Variants in GRTP1 observed in about 807,000 individuals in gnomAD.
The protein encoded by GRTP1 is growth hormone regulated TBC protein 1, also known as growth hormone-regulated TBC protein 1.
GRTP1 carries 56 observed loss-of-function variants against 38.1 expected under a neutral mutation model. That is an observed-to-expected ratio of 1.47 (90% CI 1.19 to 1.84). GRTP1 has a LOEUF of 1.84. Among genes scored for constraint, GRTP1 ranks in the 40% most tolerant of loss-of-function variants. GRTP1 has a pLI of 0.00. For missense variants in GRTP1, 506 were observed against 453.9 expected, an observed-to-expected ratio of 1.11 and a Z score of -1.04; for synonymous variants, 217 against 189.5, an observed-to-expected ratio of 1.14 and a Z score of -1.19.
At chr13:113,344,712 C>CAAAA (rs11444762) in intron 5 of GRTP1, 151 bp downstream of exon 5, 2,938 of 193,936 alleles carry the variant, frequency 0.015, 106 homozygotes, top group Middle Eastern at 0.025. Flanking sequence ...GACTCCGTCT[C>CAAAA]AAAAAAAAAA....
intron 3 of GRTP1, among the ~76,000 whole-genome samples, chr13:113,352,327 T>A (rs1218704629): frequency 1.3e-4 from 10 of 75,278 alleles, no homozygotes; most frequent in Non-Finnish European, 2.5e-4. Context: ...TATATATTTT[T>A]ATATATATTT....
At position 113,346,669 on chromosome 13, in the gene GRTP1, T is replaced by A. The variant is rs1382893288; in HGVS notation, c.466-1710A>T. 0.68 allele frequency among the ~76,000 whole-genome samples: 121 copies of A among 178 alleles called. 60 individuals carry two copies. The highest frequency in any genetic ancestry group is 0.82 in the African/African-American group (113 of 138). 0.1% of individuals were successfully genotyped at this position (178 alleles called of 152,430 possible). ...GCGGACCTGGGAGGACCTCTGTGGC[T>A]GAGCGGATCTGGGAGGACCTCTGTG... On this transcript the variant is annotated intron_variant, in intron 4 of 7. Coordinates refer to ENST00000375431, the MANE Select transcript of GRTP1 (RefSeq NM_024719.4).
intron 3 of GRTP1, among the ~76,000 whole-genome samples, chr13:113,354,796 G>T (rs1449912641): frequency 6.6e-6 from 1 of 152,180 alleles, no homozygotes; most frequent in Non-Finnish European, 1.5e-5. Flanking sequence ...CAAAGTGCTG[G>T]GATTACAGGC....
intron 5 of GRTP1, 36 bp from the exon 6 acceptor site, chr13:113,326,127 T>C: frequency 1.3e-6 from 2 of 1,596,454 alleles, no homozygotes; most frequent in Non-Finnish European, 1.7e-6. Context: ...CCCGAGACAC[T>C]CCCGTCACCT....
rs1287503325 is a variant in GRTP1 at position 113,352,312 on chromosome 13, T to TA, written c.341-1340_341-1339insT. 4.3e-3 allele frequency among the ~76,000 whole-genome samples: 222 copies of TA among 51,538 alleles called. 1 individual carries two copies. The highest frequency in any genetic ancestry group is 0.011 in the East Asian group (13 of 1,170). The allele number at this position is 51,538 out of a possible 152,430, so 33.8% of individuals were successfully genotyped here. On this transcript the variant is annotated intron_variant, in intron 3 of 7. Coordinates refer to ENST00000375431, the MANE Select transcript of GRTP1 (RefSeq NM_024719.4). ...TATATTTATATATATTTTATATATA[T>TA]TTTATATATATTTTTATATATATTT...
At chr13:113,334,103 G>C (rs2042920175) in intron 5 of GRTP1, among the ~76,000 whole-genome samples, 1 of 152,178 alleles carries the variant, frequency 6.6e-6, no homozygotes, top group South Asian at 2.1e-4. Context: ...CCAAAGTGCT[G>C]GGATTACAGG....
At chr13:113,338,549 T>C (rs2042985384) in intron 5 of GRTP1, among the ~76,000 whole-genome samples, 1 of 152,132 alleles carries the variant, frequency 6.6e-6, no homozygotes, top group Admixed American at 6.5e-5. Context: ...AGCCCGGGGA[T>C]GGGATCTCAG....
At chr13:113,356,093 CTGAG>C (rs1422133822) in intron 2 of GRTP1, among the ~76,000 whole-genome samples, 2 of 152,120 alleles carry the variant, frequency 1.3e-5, no homozygotes, top group Non-Finnish European at 2.9e-5. Flanking sequence ...TTAGTCAATA[CTGAG>C]TAATTTCTTA....
Position 113,355,327 on chromosome 13 carries a change from C to A in GRTP1, c.336G>T (p.Arg112Ser). The change falls in exon 3 of 8, where the codon AGG (arginine) becomes AGT (serine). Residue 112 changes from arginine (R) to serine (S), a missense_variant. Arg to Ser is a moderately radical substitution (Grantham distance 110). Transcript: ENST00000375431. The stretch of plus-strand genomic sequence containing the variant: ...GCTCGACCCCCACCGCCTCACCTGT[C>A]CTGATGGCGTCCTCCAGCCTGGGGT... Reference protein sequence around the residue: ...ERNPRLEDAIRTDLNRTFPDN... With the variant: ...ERNPRLEDAISTDLNRTFPDN... 1 of 1,613,986 alleles carries A rather than the reference C, an allele frequency of 6.2e-7. No homozygotes were observed. Among genetic ancestry groups the A allele is most frequent in the South Asian group, 1.1e-5 (1 of 91,072 alleles).
Position 113,356,509 on chromosome 13 carries a change from G to A in GRTP1, c.182-1028C>T, listed in dbSNP as rs574304865. Among the ~76,000 whole-genome samples the A allele has an allele frequency of 4.7e-4, 72 of 152,118 alleles. 2 individuals carry two copies. In the South Asian group the frequency reaches 0.012, roughly 25 times the overall value. Reference sequence around the variant, plus strand: ...TCTTGAACTCTTGACCTCATGATCCGCCCACCTCGGCCTCCCAAAGTGCTG... The same window carrying A: ...TCTTGAACTCTTGACCTCATGATCCACCCACCTCGGCCTCCCAAAGTGCTG... On this transcript the variant is annotated intron_variant, in intron 2 of 7. Coordinates refer to ENST00000375431, the MANE Select transcript of GRTP1 (RefSeq NM_024719.4).
At chr13:113,360,782 G>C (rs2043481240) in intron 2 of GRTP1, among the ~76,000 whole-genome samples, 1 of 152,206 alleles carries the variant, frequency 6.6e-6, no homozygotes, top group South Asian at 2.1e-4. Flanking sequence ...TTATGCCAGT[G>C]ATGCTTGCTA....
chr13:113,350,714 C>A, intron 4 of GRTP1, 135 bp downstream of exon 4: 1 of 838,290 alleles, frequency 1.2e-6, no homozygotes, highest in Non-Finnish European at 1.8e-6. Context: ...GGCGTCCGAG[C>A]CTCAATGGGG....
Position 113,326,011 on chromosome 13 carries a change from C to CA in GRTP1, c.642dup (p.Val215CysfsTer42), listed in dbSNP as rs1463600859. The CA allele has an allele frequency of 6.2e-7, 1 of 1,613,592 alleles. No homozygotes were observed. The highest frequency in any genetic ancestry group is 8.5e-7 in the Non-Finnish European group (1 of 1,179,952). On this transcript the variant is annotated frameshift_variant, in exon 6 of 8. Coordinates refer to ENST00000375431, the MANE Select transcript of GRTP1 (RefSeq NM_024719.4). LOFTEE classifies it high-confidence loss of function. ...CCGAGACGCTCCATCAGGGCCCCCA[C>CA]AGCCGGCAGCTTCGCCCGCACCAGC... is the stretch of plus-strand genomic sequence containing the variant.
At chr13:113,344,772 G>T in intron 5 of GRTP1, 91 bp downstream of exon 5, 23 of 718,962 alleles carry the variant, frequency 3.2e-5, no homozygotes, top group East Asian at 8.2e-5. Context: ...ATTCAACCAT[G>T]TTTTAATTAA....
Position 113,331,430 on chromosome 13 carries a change from G to A in GRTP1, c.563-5339C>T, listed in dbSNP as rs1595477370. Among the ~76,000 whole-genome samples the A allele has an allele frequency of 2.0e-5, 3 of 152,082 alleles. No individual in the cohort carries two copies. The South Asian group carries it at 6.2e-4, about 31-fold the overall frequency. ...GGCTGCAGCATGGGAGGCGGCCCAGGAGGAGATGCCAAGAAGGCACAGCAA... is the reference window on the plus strand; with the variant it reads ...GGCTGCAGCATGGGAGGCGGCCCAGAAGGAGATGCCAAGAAGGCACAGCAA... On this transcript the variant is annotated intron_variant, in intron 5 of 7. Coordinates refer to ENST00000375431, the MANE Select transcript of GRTP1 (RefSeq NM_024719.4).
intron 4 of GRTP1, 39 bp downstream of exon 4, chr13:113,350,810 C>G (rs1300832338): frequency 6.5e-7 from 1 of 1,529,658 alleles, no homozygotes; most frequent in South Asian, 1.3e-5. Context: ...GACCTGTCCT[C>G]ACAGCCACCT....
chr13:113,336,348 A>ACAAAC (rs1555315342), intron 5 of GRTP1, among the ~76,000 whole-genome samples: 2 of 149,528 alleles, frequency 1.3e-5, no homozygotes, highest in Non-Finnish European at 3.0e-5. Flanking sequence ...ATTTAATTAA[A>ACAAAC]AAACAAACAA....
chr13:113,358,911 C>T (rs879900555), intron 2 of GRTP1, among the ~76,000 whole-genome samples: 18 of 152,156 alleles, frequency 1.2e-4, no homozygotes, highest in Non-Finnish European at 2.2e-4. Context: ...CAATCCCATG[C>T]GGTGTTTAGT....
Position 113,349,868 on chromosome 13 carries a change from G to C in GRTP1, c.465+981C>G, listed in dbSNP as rs2043229010. On this transcript the variant is annotated intron_variant, in intron 4 of 7. Coordinates refer to ENST00000375431, the MANE Select transcript of GRTP1 (RefSeq NM_024719.4). This position sits in a 1 kb window ranked among gnomAD's most constrained non-coding sequence, Gnocchi z 5.0. ...ACAGGAAGTTTCTGGGGGCATCACT[G>C]GGACTGCTAGGTTCGAACCACCCAT... Among the ~76,000 whole-genome samples the C allele has an allele frequency of 6.6e-6, 1 of 152,072 alleles. No homozygotes were observed. The highest frequency in any genetic ancestry group is 1.5e-5 in the Non-Finnish European group (1 of 68,010).
Sources: gnomAD v4.1 joint callset for allele counts (sites outside exome capture counted in the v4.1 genomes callset) on GRCh38, gnomAD v4.1.1 for gene constraint, Gnocchi (gnomAD v3.1) non-coding constraint, MANE v1.5 for transcripts, NCBI Gene and HGNC (gene_info 2026-07-23, HGNC 2026-07-21) for gene names.